Variants in MED12L observed in about 807,000 individuals in gnomAD.
The protein encoded by MED12L is mediator complex subunit 12L, also known as mediator of RNA polymerase II transcription subunit 12-like protein.
In MED12L, 60 loss-of-function variants were observed where a neutral mutation model predicts 281.3. The ratio of observed to expected loss-of-function variants is 0.21; its 90% CI spans 0.17 to 0.26. The LOEUF is 0.26. Among genes scored for constraint, MED12L ranks in the 10% least tolerant of loss-of-function variants. The probability of loss-of-function intolerance (pLI) is 1.00; values close to 1 mark genes in which losing one functional copy is unlikely to be tolerated. For synonymous variants in MED12L, 974 were observed against 987.2 expected (o/e 0.99, Z 0.25); for missense variants, 2,146 against 2,680.9 (o/e 0.80, Z 4.41).
chr3:151,420,740 A>C (rs1487613727), intron 43 of MED12L, among the ~76,000 whole-genome samples: 29 of 152,212 alleles, frequency 1.9e-4, no homozygotes, highest in Non-Finnish European at 5.9e-5. Context: ...TTCCATGAGC[A>C]TGAGCCCACC....
intron 16 of MED12L, among the ~76,000 whole-genome samples, chr3:151,257,882 C>T (rs1184368331): frequency 4.6e-5 from 7 of 152,182 alleles, no homozygotes; most frequent in Admixed American, 3.3e-4. Flanking sequence ...TTCTCTCTCC[C>T]TACTACAGCC....
intron 3 of MED12L, among the ~76,000 whole-genome samples, chr3:151,116,947 G>A (rs1268122035): frequency 3.3e-5 from 5 of 152,104 alleles, no homozygotes; most frequent in Non-Finnish European, 7.4e-5. Context: ...CTACCTCTTA[G>A]TAAGGTCTAC....
intron 5 of MED12L, among the ~76,000 whole-genome samples, chr3:151,144,857 C>G (rs1327023243): frequency 6.6e-6 from 1 of 152,180 alleles, no homozygotes; most frequent in Admixed American, 6.5e-5. Flanking sequence ...CCCGACATAC[C>G]TGCATCATGT....
rs570184524 is a variant in MED12L, at chr3:151,097,510, C to T, written c.99+10485C>T. Among the ~76,000 whole-genome samples, 23 of 152,228 alleles carry T rather than the reference C, an allele frequency of 1.5e-4. No individual in the cohort carries two copies. The East Asian group carries it at 4.4e-3, about 29-fold the overall frequency. ...TTCCAACCCAGTGCCTGGCCTGCACCGAGGACTCAAAACTTTCTTTTATGA... is the reference window on the plus strand; with the variant it reads ...TTCCAACCCAGTGCCTGGCCTGCACTGAGGACTCAAAACTTTCTTTTATGA... On this transcript the variant is annotated intron_variant, in intron 2 of 44. Transcript: ENST00000687756.
chr3:151,087,949 C>T (rs1449233141), intron 2 of MED12L, among the ~76,000 whole-genome samples: 3 of 151,752 alleles, frequency 2.0e-5, no homozygotes, highest in Non-Finnish European at 4.4e-5. Flanking sequence ...CAGCTGCAGT[C>T]CACCCATCTT....
At chr3:151,250,517 T>C (rs901455880) in intron 16 of MED12L, among the ~76,000 whole-genome samples, 2 of 152,212 alleles carry the variant, frequency 1.3e-5, no homozygotes, top group African/African-American at 2.4e-5. Context: ...AGAAGTGGAA[T>C]CATACAGTAT....
chr3:151,346,234 T>A (rs532042522), intron 16 of MED12L, among the ~76,000 whole-genome samples: 5 of 152,340 alleles, frequency 3.3e-5, no homozygotes. Context: ...TCCATATTAA[T>A]CCAGCTAAGA....
chr3:151,169,080 CAG>C (rs1321130490), intron 11 of MED12L, among the ~76,000 whole-genome samples: 2 of 149,480 alleles, frequency 1.3e-5, no homozygotes, highest in East Asian at 2.0e-4. Context: ...TACTCCTTAA[CAG>C]GGGTTACTGT....
At chr3:151,401,648 A>C (rs1347693575) in intron 39 of MED12L, among the ~76,000 whole-genome samples, 1 of 152,198 alleles carries the variant, frequency 6.6e-6, no homozygotes, top group Non-Finnish European at 1.5e-5. Context: ...TGATAGTCTC[A>C]TTTGTTAAAG....
At chr3:151,168,185 C>T (rs1036679775) in intron 11 of MED12L, among the ~76,000 whole-genome samples, 1 of 152,124 alleles carries the variant, frequency 6.6e-6, no homozygotes, top group South Asian at 2.1e-4. Flanking sequence ...CTTTGTAAAT[C>T]ACAGATATCT....
chr3:151,213,113 T>G (rs1727454020), intron 16 of MED12L: 1 of 480,306 alleles, frequency 2.1e-6, no homozygotes, highest in Non-Finnish European at 3.6e-6. Flanking sequence ...GAGAAATTAC[T>G]GATGGGTATG....
chr3:151,380,347 A>G (rs1712036149), intron 32 of MED12L, 123 bp downstream of exon 32: 2 of 629,346 alleles, frequency 3.2e-6, no homozygotes, highest in Admixed American at 7.4e-5. Context: ...CTGTAATCCC[A>G]GCACTTTGGG....
chr3:151,173,055 G>T (rs1254138532), intron 11 of MED12L, among the ~76,000 whole-genome samples: 1 of 147,812 alleles, frequency 6.8e-6, no homozygotes, highest in Non-Finnish European at 1.5e-5. Flanking sequence ...CTCTTGATTT[G>T]TTTTTGAGTA....
chr3:151,116,976 G>A lies in MED12L; in HGVS notation c.204+534G>A, dbSNP rs1435043599. On this transcript the variant is annotated intron_variant, in intron 3 of 44. Coordinates refer to ENST00000687756, the MANE Select transcript of MED12L (RefSeq NM_001393769.1). The stretch of plus-strand genomic sequence containing the variant: ...GGTCTACAAGGTGATAATTTGAGAG[G>A]ATATAAATATCCTATTCTTCAGTAA... Among the ~76,000 whole-genome samples the A allele has an allele frequency of 2.6e-5, 4 of 152,202 alleles. No individual in the cohort carries two copies. The East Asian group carries it at 5.8e-4, about 22-fold the overall frequency.
intron 16 of MED12L, chr3:151,213,709 A>G: frequency 6.2e-7 from 1 of 1,614,244 alleles, no homozygotes; most frequent in Non-Finnish European, 8.5e-7. Flanking sequence ...ATAGAAAACG[A>G]TTAACAAAAG....
chr3:151,316,023 T>G (rs1748188862), intron 16 of MED12L, among the ~76,000 whole-genome samples: 1 of 152,230 alleles, frequency 6.6e-6, no homozygotes, highest in Non-Finnish European at 1.5e-5. Flanking sequence ...AACAGTAAGC[T>G]GTTCCTAACC....
At chr3:151,257,600 A>G (rs750134089) in intron 16 of MED12L, among the ~76,000 whole-genome samples, 3 of 152,256 alleles carry the variant, frequency 2.0e-5, no homozygotes, top group Non-Finnish European at 2.9e-5. Flanking sequence ...GAAGAGAAAA[A>G]TAAATATTGT....
rs368713383 is a variant in MED12L at position 151,195,379 on chromosome 3, A to C, written c.2250+1713A>C. 6.0e-4 allele frequency among the ~76,000 whole-genome samples: 91 copies of C among 152,076 alleles called. No individual in the cohort carries two copies. In the South Asian group the frequency reaches 7.9e-3, roughly 13 times the overall value. On this transcript the variant is annotated intron_variant, in intron 16 of 44. Transcript: ENST00000687756. ...CTTTTTTTGTAATTTTTCTATGTCC[A>C]GGGCCATTTCAAAACTTGTCAAATT...
At chr3:151,178,733 GAA>G (rs1193508429) in intron 11 of MED12L, among the ~76,000 whole-genome samples, 5 of 152,272 alleles carry the variant, frequency 3.3e-5, no homozygotes, top group Middle Eastern at 3.4e-3. Context: ...AAGATTGAGA[GAA>G]AGAATTCCTG....
Sources: gnomAD v4.1 joint callset for allele counts (sites outside exome capture counted in the v4.1 genomes callset) on GRCh38, gnomAD v4.1.1 for gene constraint, MANE v1.5 for transcripts, NCBI Gene and HGNC (gene_info 2026-07-23, HGNC 2026-07-21) for gene names.